Variants in POC1A observed in about 807,000 individuals in gnomAD.
The protein encoded by POC1A is POC1 centriolar protein A.
Under a neutral mutation model 47.8 loss-of-function variants are expected in POC1A, and 34 were observed. The ratio of observed to expected loss-of-function variants is 0.71; its 90% CI spans 0.54 to 0.95. The LOEUF (loss-of-function observed/expected upper bound fraction) is 0.95. Among genes scored for constraint, POC1A ranks in the 40% least tolerant of loss-of-function variants. The pLI is 0.00. For synonymous variants in POC1A, 177 were observed against 207.6 expected (o/e 0.85, Z 1.27); for missense variants, 466 against 528.3 (o/e 0.88, Z 1.16).
chr3:52,145,008 C>G (rs1698318759), intron 6 of POC1A, among the ~76,000 whole-genome samples: 1 of 152,196 alleles, frequency 6.6e-6, no homozygotes. Flanking sequence ...TCAAACAACT[C>G]CAGCTCTGCC....
chr3:52,112,706 C>T (rs1703427657), intron 9 of POC1A, among the ~76,000 whole-genome samples: 1 of 152,116 alleles, frequency 6.6e-6, no homozygotes, highest in Admixed American at 6.6e-5. Context: ...TACCCTTTTC[C>T]TCTTCTGCAA....
intron 1 of POC1A, 106 bp from the exon 2 acceptor site, chr3:52,151,206 C>T (rs1332588381): frequency 4.6e-6 from 7 of 1,536,208 alleles, no homozygotes; most frequent in Non-Finnish European, 5.3e-6. Context: ...TAAAAATGCT[C>T]AAGGCATGAT....
rs543786459 is a variant in POC1A, at chr3:52,126,577, C to T, written c.814-1396G>A. Among the ~76,000 whole-genome samples, 3 of 152,356 alleles carry T rather than the reference C, an allele frequency of 2.0e-5. No individual in the cohort carries two copies. The South Asian group carries it at 6.2e-4, about 32-fold the overall frequency. On this transcript the variant is annotated intron_variant, in intron 7 of 10. Transcript: ENST00000296484. ...CCTGAAAGGACAGTCTGTGCGGTGA[C>T]CCTTTGCCTTAGTCCACTTCTGTTG...
intron 10 of POC1A, among the ~76,000 whole-genome samples, chr3:52,087,121 C>T (rs1345925269): frequency 6.6e-5 from 10 of 152,180 alleles, no homozygotes. Context: ...GTAGGAGGGG[C>T]AGGCCCCACC....
At chr3:52,078,237 G>A (rs867419131) in intron 10 of POC1A, among the ~76,000 whole-genome samples, 2 of 152,174 alleles carry the variant, frequency 1.3e-5, no homozygotes, top group African/African-American at 4.8e-5. Flanking sequence ...GGAGAAAGAA[G>A]TCCAACCAGG....
At chr3:52,131,877 G>C (rs1221728925) in intron 7 of POC1A, among the ~76,000 whole-genome samples, 4 of 152,114 alleles carry the variant, frequency 2.6e-5, no homozygotes, top group East Asian at 1.9e-4. Flanking sequence ...CTGGGGCAGA[G>C]GCCACAGCCC....
intron 7 of POC1A, among the ~76,000 whole-genome samples, chr3:52,133,559 A>C (rs892286211): frequency 1.3e-5 from 2 of 152,118 alleles, no homozygotes; most frequent in Non-Finnish European, 2.9e-5. Flanking sequence ...ACACAGGTCC[A>C]GCCCAGGAGA....
At position 52,075,273 on chromosome 3, in the gene POC1A, T is replaced by C. The variant is rs1392207797; in HGVS notation, c.*614A>G. 6.6e-6 allele frequency: 1 copy of C among 152,546 alleles called. No homozygotes were observed. The highest frequency in any genetic ancestry group is 1.9e-4 in the East Asian group (1 of 5,210). The allele number at this position is 152,546 out of a possible 1,614,324, so 9.4% of individuals were successfully genotyped here. On this transcript the variant is annotated 3_prime_UTR_variant, in exon 11 of 11. Transcript: ENST00000296484. ...ACAAGTGCAATGAAGTCAGGTTTAA[T>C]TTTGAGATTCCTGTGCCCTCACTCA...
chr3:52,093,138 G>C (rs1449124002), intron 10 of POC1A, among the ~76,000 whole-genome samples: 1 of 152,196 alleles, frequency 6.6e-6, no homozygotes, highest in Non-Finnish European at 1.5e-5. Context: ...TGCTGCTTCT[G>C]TTACCCCACA....
chr3:52,139,583 C>T (rs913388852), intron 6 of POC1A, among the ~76,000 whole-genome samples: 2 of 152,198 alleles, frequency 1.3e-5, no homozygotes, highest in African/African-American at 2.4e-5. Context: ...ATTAGGGCCA[C>T]CCCCTTCATT....
Position 52,144,421 on chromosome 3 carries a change from G to T in POC1A, c.679+1425C>A, listed in dbSNP as rs113973641. 1.8e-4 allele frequency among the ~76,000 whole-genome samples: 27 copies of T among 152,312 alleles called. 1 individual carries two copies. In the South Asian group the frequency reaches 5.2e-3, roughly 29 times the overall value. ...CAAACCTCAGGGCTTCCTATGGAGG[G>T]GGGTGGGGTGGGGGAACAGGTTCTT... is the stretch of plus-strand genomic sequence containing the variant. On this transcript the variant is annotated intron_variant, in intron 6 of 10. Transcript: ENST00000296484.
chr3:52,153,492 A>G (rs111268585), intron 1 of POC1A, among the ~76,000 whole-genome samples: 2,510 of 152,302 alleles, frequency 0.016, 59 homozygotes, highest in African/African-American at 0.052. Flanking sequence ...CAGAGGGAGG[A>G]GCAGCTGGGG....
rs182650145 is a variant in POC1A, at chr3:52,147,869, C to T, written c.456-774G>A. 1.4e-3 allele frequency among the ~76,000 whole-genome samples: 216 copies of T among 152,208 alleles called. 1 individual carries two copies. Among genetic ancestry groups the T allele is most frequent in the Non-Finnish European group, 9.3e-4 (63 of 68,020 alleles). ...CTTACGTAGCTTCATGAGCAAATAG[C>T]CCCTCTCCCATCCCAACAGCAAACT... On this transcript the variant is annotated intron_variant, in intron 4 of 10. Transcript: ENST00000296484.
intron 7 of POC1A, among the ~76,000 whole-genome samples, chr3:52,125,473 G>A (rs1309230274): frequency 6.6e-6 from 1 of 152,126 alleles, no homozygotes; most frequent in African/African-American, 2.4e-5. Context: ...GCCCTCCAGG[G>A]CTGGCCTCAT....
At chr3:52,109,832 T>C (rs1703319898) in intron 9 of POC1A, among the ~76,000 whole-genome samples, 1 of 152,156 alleles carries the variant, frequency 6.6e-6, no homozygotes, top group African/African-American at 2.4e-5. Context: ...ACAAGCACTA[T>C]CCAACACCCT....
At chr3:52,097,792 G>A (rs191163314) in intron 9 of POC1A, among the ~76,000 whole-genome samples, 62 of 152,286 alleles carry the variant, frequency 4.1e-4, no homozygotes, top group South Asian at 4.1e-4. Flanking sequence ...GAGCAGCACC[G>A]TGTCCACACA....
At chr3:52,133,281 G>A (rs1035960518) in intron 7 of POC1A, among the ~76,000 whole-genome samples, 1 of 152,154 alleles carries the variant, frequency 6.6e-6, no homozygotes, top group Non-Finnish European at 1.5e-5. Flanking sequence ...GGAAGCAGAG[G>A]GCAGCCTTCC....
At chr3:52,106,175 C>T (rs1486073686) in intron 9 of POC1A, among the ~76,000 whole-genome samples, 39 of 95,232 alleles carry the variant, frequency 4.1e-4, no homozygotes, top group African/African-American at 1.2e-3. Context: ...AGAGAGACTA[C>T]GTCTCAAAAA....
intron 1 of POC1A, among the ~76,000 whole-genome samples, chr3:52,152,525 G>A (rs1369156438): frequency 1.4e-5 from 2 of 146,780 alleles, no homozygotes; most frequent in African/African-American, 5.1e-5. Context: ...AGCCGAGATT[G>A]CACCAGTGCA....
Sources: allele counts gnomAD v4.1 joint callset (sites outside exome capture counted in the v4.1 genomes callset), GRCh38; gene constraint gnomAD v4.1.1; transcripts MANE v1.5; gene names NCBI Gene and HGNC (gene_info 2026-07-23, HGNC 2026-07-21).